MTA3: variants seen among roughly 807,000 people sequenced by gnomAD.
The protein encoded by MTA3 is metastasis-associated protein MTA3.
Under a neutral mutation model 83.5 loss-of-function variants are expected in MTA3, and 34 were observed. The observed-to-expected ratio is 0.41, with a 90% CI of 0.31 to 0.54. The LOEUF (loss-of-function observed/expected upper bound fraction) is 0.54. MTA3 is among the 20% of genes least tolerant of loss of function. The probability of loss-of-function intolerance (pLI) is 0.33; values close to 1 mark genes in which losing one functional copy is unlikely to be tolerated. For synonymous variants in MTA3, 303 were observed against 252.7 expected (o/e 1.20, Z -1.89); for missense variants, 761 against 726.4 (o/e 1.05, Z -0.55).
chr2:42,541,031 A>T (rs571038634), intron 2 of MTA3, among the ~76,000 whole-genome samples: 192 of 139,950 alleles, frequency 1.4e-3, no homozygotes, highest in East Asian at 3.1e-3. Context: ...CTTACTTCAA[A>T]TTTTTTTTTT....
At chr2:42,511,923 A>G (rs892581443) in intron 2 of MTA3, 1 of 152,078 alleles carries the variant, frequency 6.6e-6, no homozygotes, top group Non-Finnish European at 1.5e-5. Flanking sequence ...AGTCTGAAGC[A>G]GGAGAATGGC....
chr2:42,594,724 A>ATTTT (rs1290668170), intron 3 of MTA3, among the ~76,000 whole-genome samples: 18 of 31,250 alleles, frequency 5.8e-4, no homozygotes, highest in African/African-American at 2.9e-3. Flanking sequence ...ATATATATAT[A>ATTTT]TATATTTTTT....
At chr2:42,739,445 T>TA (rs60704945) in intron 16 of MTA3, among the ~76,000 whole-genome samples, 51,604 of 138,408 alleles carry the variant, frequency 0.37, 9,117 homozygotes, top group East Asian at 0.52. Flanking sequence ...ACTTTATTGC[T>TA]AAAAAAAAAA....
At chr2:42,514,682 C>CTTTTTTTTTTTTTTTTTTTTTTTTTTTT (rs767598363) in intron 2 of MTA3, among the ~76,000 whole-genome samples, 4 of 53,492 alleles carry the variant, frequency 7.5e-5, no homozygotes, top group Non-Finnish European at 9.2e-5. Flanking sequence ...CGCCCAGCCC[C>CTTTTTTTTTTTTTTTTTTTTTTTTTTTT]TTTTTTTTTT....
intron 3 of MTA3, among the ~76,000 whole-genome samples, chr2:42,599,559 C>T (rs756663209): frequency 3.3e-5 from 5 of 151,836 alleles, no homozygotes; most frequent in Admixed American, 6.6e-5. Flanking sequence ...CACTGCACTC[C>T]AGCCCGGGCG....
At chr2:42,600,863 C>T (rs544389508) in intron 3 of MTA3, among the ~76,000 whole-genome samples, 1 of 151,818 alleles carries the variant, frequency 6.6e-6, no homozygotes, top group African/African-American at 2.4e-5. Context: ...TCTTTTACAT[C>T]TTTTATTTGC....
At chr2:42,612,815 C>T (rs1160888224) in intron 4 of MTA3, among the ~76,000 whole-genome samples, 1 of 152,000 alleles carries the variant, frequency 6.6e-6, no homozygotes, top group Non-Finnish European at 1.5e-5. Flanking sequence ...GAGCCAAGAT[C>T]GCACTACTGT....
intron 3 of MTA3, among the ~76,000 whole-genome samples, chr2:42,597,684 GT>G (rs10690551): frequency 1.2e-4 from 15 of 128,958 alleles, no homozygotes; most frequent in Non-Finnish European, 1.3e-4. Context: ...TCACCCACCT[GT>G]TTTTTTTTTT....
At chr2:42,625,946 C>CTT (rs540658051) in intron 4 of MTA3, among the ~76,000 whole-genome samples, 4 of 128,988 alleles carry the variant, frequency 3.1e-5, no homozygotes, top group African/African-American at 1.2e-4. Context: ...TTTTTTTTTT[C>CTT]TTTTTTTTTT....
In MTA3 at chr2:42,656,266, C is replaced by T. The variant is rs764353484; in HGVS notation, c.566C>T (p.Thr189Met). ...VKVWDPNSPL[T>M]DRQIDQFLVV... Reference sequence around the variant, plus strand: ...GTTTGGGATCCAAATAGCCCACTTACGGATCGACAGATTGACCAGTTTTTA... The same window carrying T: ...GTTTGGGATCCAAATAGCCCACTTATGGATCGACAGATTGACCAGTTTTTA... Residue 189 changes from threonine to methionine, a missense_variant, in exon 7 of 17, where the codon ACG (threonine) becomes ATG (methionine). Physicochemically the swap from Thr to Met is moderately conservative, Grantham distance 81. Transcript: ENST00000405094. The T allele has an allele frequency of 1.6e-5, 26 of 1,613,502 alleles. 1 individual carries two copies. The highest frequency in any genetic ancestry group is 6.6e-5 in the South Asian group (6 of 91,060).
At chr2:42,609,836 C>A (rs138137125) in intron 4 of MTA3, among the ~76,000 whole-genome samples, 7 of 152,156 alleles carry the variant, frequency 4.6e-5, no homozygotes, top group African/African-American at 1.7e-4. Flanking sequence ...CAGTGGCTCA[C>A]GCCTGTAATT....
Position 42,609,592 on chromosome 2 carries a change from C to A in MTA3, c.317+8C>A. 6.2e-7 allele frequency: 1 copy of A among 1,612,762 alleles called. No homozygotes were observed. The highest frequency in any genetic ancestry group is 8.5e-7 in the Non-Finnish European group (1 of 1,179,306). ...GCCCGCAACACATATCAGGTAAGAA[C>A]TTTTTAGGAACTAAGGTACTCAGTA... On this transcript the variant is annotated splice_region_variant and intron_variant, in intron 4 of 16. Coordinates refer to ENST00000405094, the MANE Select transcript of MTA3 (RefSeq NM_001330442.2).
intron 2 of MTA3, among the ~76,000 whole-genome samples, chr2:42,542,486 G>C (rs1051512744): frequency 6.6e-6 from 1 of 152,064 alleles, no homozygotes; most frequent in African/African-American, 2.4e-5. Context: ...ACCGTCACAC[G>C]TACACCCCTT....
intron 3 of MTA3, among the ~76,000 whole-genome samples, chr2:42,582,961 C>G (rs550386608): frequency 1.8e-4 from 27 of 152,150 alleles, no homozygotes; most frequent in Non-Finnish European, 3.7e-4. Flanking sequence ...GGCTGTTTTA[C>G]TGCTTGACAT....
At chr2:42,583,502 G>A (rs1195038840) in intron 3 of MTA3, among the ~76,000 whole-genome samples, 1 of 152,062 alleles carries the variant, frequency 6.6e-6, no homozygotes, top group Non-Finnish European at 1.5e-5. Flanking sequence ...CTGAACTTTA[G>A]TTTTTCCATT....
At chr2:42,565,891 C>G (rs1677889455), upstream of MTA3, among the ~76,000 whole-genome samples, 1 of 152,116 alleles carries the variant, frequency 6.6e-6, no homozygotes, top group African/African-American at 2.4e-5. Context: ...GTAGTCCCAG[C>G]TGCTTGGGAG....
In MTA3 at chr2:42,677,373, C is replaced by T. The variant is rs549945346; in HGVS notation, c.703-5028C>T. The stretch of plus-strand genomic sequence containing the variant: ...TTTTTTATTTTTTGAGATGGAGTCT[C>T]GCTCTGTCACCCAGGCTGGAGTGCA... On this transcript the variant is annotated intron_variant, in intron 8 of 16. Transcript: ENST00000405094. Among the ~76,000 whole-genome samples the T allele has an allele frequency of 1.7e-4, 26 of 152,008 alleles. 1 individual carries two copies. The South Asian group carries it at 3.9e-3, about 23-fold the overall frequency.
At chr2:42,593,789 G>A (rs945630213) in intron 3 of MTA3, among the ~76,000 whole-genome samples, 1 of 151,894 alleles carries the variant, frequency 6.6e-6, no homozygotes, top group Non-Finnish European at 1.5e-5. Flanking sequence ...CAGCAGCCTG[G>A]GCAACATAGC....
chr2:42,525,046 G>A (rs1465130902), intron 2 of MTA3, among the ~76,000 whole-genome samples: 1 of 150,920 alleles, frequency 6.6e-6, no homozygotes, highest in African/African-American at 2.4e-5. Context: ...CCATGTTGGT[G>A]TGCTGCACCC....
Sources: gnomAD v4.1 joint callset for allele counts (sites outside exome capture counted in the v4.1 genomes callset) on GRCh38, gnomAD v4.1.1 for gene constraint, MANE v1.5 for transcripts, NCBI Gene and HGNC (gene_info 2026-07-23, HGNC 2026-07-21) for gene names.